KLHL32: variants seen among roughly 807,000 people sequenced by gnomAD.
KLHL32 encodes the protein kelch-like protein 32.
In KLHL32, 35 loss-of-function variants were observed where a neutral mutation model predicts 64.8. The ratio of observed to expected loss-of-function variants is 0.54; its 90% CI spans 0.41 to 0.72. The LOEUF (loss-of-function observed/expected upper bound fraction) is 0.72. Among genes scored for constraint, KLHL32 ranks in the 30% least tolerant of loss-of-function variants. KLHL32 has a pLI of 0.00. For missense variants in KLHL32, 589 were observed against 768.5 expected, an observed-to-expected ratio of 0.77 and a Z score of 2.76; for synonymous variants, 259 against 281.0, an observed-to-expected ratio of 0.92 and a Z score of 0.78.
At position 97,012,342 on chromosome 6, in the gene KLHL32, A is replaced by T. The variant is rs536972120; in HGVS notation, c.205-29150A>T. 2.6e-5 allele frequency among the ~76,000 whole-genome samples: 4 copies of T among 152,314 alleles called. No individual in the cohort carries two copies. In the South Asian group the frequency reaches 8.3e-4, roughly 32 times the overall value. ...GAGTCAGCAGAGTCACAGTCAGAGG[A>T]GTCAGGACAGAAGCAGAGGTTGGAG... On this transcript the variant is annotated intron_variant, in intron 3 of 10. Coordinates refer to ENST00000369261, the MANE Select transcript of KLHL32 (RefSeq NM_052904.4).
chr6:97,050,175 T>C (rs776105389), intron 4 of KLHL32, among the ~76,000 whole-genome samples: 33 of 152,322 alleles, frequency 2.2e-4, no homozygotes, highest in Non-Finnish European at 4.0e-4. Flanking sequence ...CAATTCAGTA[T>C]GTTTTGATTT....
intron 4 of KLHL32, among the ~76,000 whole-genome samples, chr6:97,053,455 C>A (rs991694848): frequency 2.0e-5 from 3 of 151,866 alleles, no homozygotes; most frequent in Admixed American, 2.0e-4. Context: ...AAGGATACTG[C>A]AAATTCTATA....
At chr6:97,099,959 A>T (rs1296013249) in intron 6 of KLHL32, among the ~76,000 whole-genome samples, 1 of 152,036 alleles carries the variant, frequency 6.6e-6, no homozygotes, top group Non-Finnish European at 1.5e-5. Context: ...AGCTTGGCCA[A>T]CATGGTGAGA....
intron 2 of KLHL32, among the ~76,000 whole-genome samples, chr6:96,969,658 C>T (rs1774900249): frequency 6.6e-6 from 1 of 152,192 alleles, no homozygotes; most frequent in Non-Finnish European, 1.5e-5. Context: ...AGAGGCAATC[C>T]TTTCCCACAA....
chr6:96,903,365 G>T, the KLHL32 span, among the ~76,000 whole-genome samples: 1 of 152,054 alleles, frequency 6.6e-6, no homozygotes, highest in Non-Finnish European at 1.5e-5. Flanking sequence ...CAATCGAATA[G>T]AAAAGAATAG....
rs562804791 is a variant in KLHL32 at position 96,981,019 on chromosome 6, C to CG, written c.204+4847dup. Among the ~76,000 whole-genome samples the CG allele has an allele frequency of 9.8e-3, 1,337 of 136,436 alleles. 10 individuals are homozygous for CG. The highest frequency in any genetic ancestry group is 0.012 in the Non-Finnish European group (760 of 63,972). 89.5% of individuals were successfully genotyped at this position (136,436 alleles called of 152,430 possible). A position where few individuals can be genotyped will look rare whatever the true frequency, so the allele number is the denominator to read the frequency against. ...CAAAGTGGTGGGGCGGGGGGGCAGG[C>CG]GGGGGAAAAGCCCCTCATAAAACCC... On this transcript the variant is annotated intron_variant, in intron 3 of 10. Transcript: ENST00000369261.
the KLHL32 span, among the ~76,000 whole-genome samples, chr6:96,905,715 A>G: frequency 6.6e-6 from 1 of 152,210 alleles, no homozygotes; most frequent in Non-Finnish European, 1.5e-5. Flanking sequence ...TTATATAACA[A>G]AATACTAATA....
At chr6:97,079,119 T>A (rs1355971684) in intron 5 of KLHL32, among the ~76,000 whole-genome samples, 1 of 152,226 alleles carries the variant, frequency 6.6e-6, no homozygotes, top group African/African-American at 2.4e-5. Flanking sequence ...AGAATACAAG[T>A]GAGTCTGGGT....
the KLHL32 span, among the ~76,000 whole-genome samples, chr6:96,904,339 C>CAAAAAAAAA: frequency 1.9e-5 from 2 of 106,052 alleles, no homozygotes; most frequent in African/African-American, 3.6e-5. Flanking sequence ...AAGACTTTGT[C>CAAAAAAAAA]AAAAAAAAAA....
the KLHL32 span, among the ~76,000 whole-genome samples, chr6:96,913,445 G>T: frequency 1.3e-5 from 2 of 152,100 alleles, no homozygotes; most frequent in African/African-American, 4.8e-5. Context: ...TTAATACCTG[G>T]CTCTCAGGGG....
intron 4 of KLHL32, among the ~76,000 whole-genome samples, chr6:97,048,042 G>A (rs1361464749): frequency 6.6e-6 from 1 of 152,194 alleles, no homozygotes; most frequent in African/African-American, 2.4e-5. Flanking sequence ...TACCTTACAT[G>A]TAGTGGAGGA....
chr6:96,937,966 CCTT>C (rs1272763465), intron 1 of KLHL32, among the ~76,000 whole-genome samples: 1 of 152,214 alleles, frequency 6.6e-6, no homozygotes, highest in Non-Finnish European at 1.5e-5. Flanking sequence ...AACCGTGTCT[CCTT>C]CTCAGACTCT....
At chr6:96,911,420 G>T in the KLHL32 span, among the ~76,000 whole-genome samples, 1 of 152,124 alleles carries the variant, frequency 6.6e-6, no homozygotes, top group Non-Finnish European at 1.5e-5. Flanking sequence ...ACTGGTTTTA[G>T]CTCTTTACAA....
At chr6:97,046,875 A>G (rs1786010669) in intron 4 of KLHL32, among the ~76,000 whole-genome samples, 1 of 152,244 alleles carries the variant, frequency 6.6e-6, no homozygotes, top group Non-Finnish European at 1.5e-5. Flanking sequence ...TGATATGTAT[A>G]TAGATTTGTA....
chr6:97,054,505 G>T (rs947663422), intron 4 of KLHL32, among the ~76,000 whole-genome samples: 3 of 152,104 alleles, frequency 2.0e-5, no homozygotes, highest in Non-Finnish European at 4.4e-5. Context: ...TTTAAGAAAT[G>T]GATTAGCAGG....
chr6:97,088,293 C>A (rs1793734282), intron 6 of KLHL32, among the ~76,000 whole-genome samples: 1 of 152,028 alleles, frequency 6.6e-6, no homozygotes, highest in Non-Finnish European at 1.5e-5. Context: ...TGAAAGACAC[C>A]AAATTGACTA....
At chr6:96,926,530 G>C (rs1021771042) in intron 1 of KLHL32, among the ~76,000 whole-genome samples, 9 of 152,184 alleles carry the variant, frequency 5.9e-5, no homozygotes, top group African/African-American at 1.9e-4. Flanking sequence ...CCTTGCTGAA[G>C]GTCACAGCTA....
intron 2 of KLHL32, among the ~76,000 whole-genome samples, chr6:96,972,650 A>C (rs1289162944): frequency 6.6e-6 from 1 of 152,166 alleles, no homozygotes; most frequent in East Asian, 1.9e-4. Context: ...TCTTGCTTTC[A>C]GTCTTTTTTC....
At chr6:97,137,552 C>G (rs185635334) in intron 10 of KLHL32, among the ~76,000 whole-genome samples, 192 of 151,852 alleles carry the variant, frequency 1.3e-3, no homozygotes, top group South Asian at 2.3e-3. Context: ...TTTTTTTCCC[C>G]CAGACGGAGT....
Sources: allele counts gnomAD v4.1 joint callset (sites outside exome capture counted in the v4.1 genomes callset), GRCh38; gene constraint gnomAD v4.1.1; transcripts MANE v1.5; gene names NCBI Gene and HGNC (gene_info 2026-07-23, HGNC 2026-07-21).